EYA3: variants seen among roughly 807,000 people sequenced by gnomAD.
The protein encoded by EYA3 is protein phosphatase EYA3.
In EYA3, 39 loss-of-function variants were observed where a neutral mutation model predicts 80.0. The ratio of observed to expected loss-of-function variants is 0.49; its 90% CI spans 0.38 to 0.64. The LOEUF (loss-of-function observed/expected upper bound fraction) is 0.64, where lower values mean the gene tolerates loss of function less well. Among genes scored for constraint, EYA3 ranks in the 30% least tolerant of loss-of-function variants. EYA3 has a pLI of 0.00. For missense variants in EYA3, 523 were observed against 676.1 expected (o/e 0.77, Z 2.51); for synonymous variants, 206 against 232.8 (o/e 0.88, Z 1.05).
chr1:28,035,740 G>A, intron 5 of EYA3, 60 bp from the exon 6 acceptor site: 1 of 1,504,916 alleles, frequency 6.6e-7, no homozygotes, highest in East Asian at 2.3e-5. Context: ...CGAAAAATAG[G>A]TAAAATAGCT....
chr1:28,022,454 A>G (rs758954994), intron 7 of EYA3, among the ~76,000 whole-genome samples: 47 of 152,156 alleles, frequency 3.1e-4, no homozygotes, highest in South Asian at 4.2e-4. Context: ...GGCCTAAAAG[A>G]TTCTCATTGC....
intron 1 of EYA3, among the ~76,000 whole-genome samples, chr1:28,076,087 A>G (rs1324828765): frequency 6.6e-6 from 1 of 152,168 alleles, no homozygotes; most frequent in East Asian, 1.9e-4. Flanking sequence ...AGCACAAATC[A>G]CATTTCTGTA....
At chr1:28,084,374 C>T (rs749510071) in intron 1 of EYA3, among the ~76,000 whole-genome samples, 1 of 151,024 alleles carries the variant, frequency 6.6e-6, no homozygotes, top group Non-Finnish European at 1.5e-5. Context: ...TAAAAGATAC[C>T]AGTATCAACA....
chr1:28,074,792 A>C (rs891121037), intron 1 of EYA3, among the ~76,000 whole-genome samples: 8 of 152,282 alleles, frequency 5.3e-5, no homozygotes, highest in Non-Finnish European at 7.4e-5. Context: ...TAAACATTTT[A>C]AATAAGGTAA....
At chr1:27,977,855 G>GAAAAAAAAAAA (rs1334469197) in intron 17 of EYA3, among the ~76,000 whole-genome samples, 6 of 65,398 alleles carry the variant, frequency 9.2e-5, no homozygotes, top group East Asian at 4.6e-4. Flanking sequence ...CTCAAAAACA[G>GAAAAAAAAAAA]AAAAAAAAAG....
intron 4 of EYA3, among the ~76,000 whole-genome samples, chr1:28,041,561 T>TA (rs113807633): frequency 3.3e-4 from 47 of 142,274 alleles, no homozygotes; most frequent in Middle Eastern, 3.6e-3. Context: ...TCAAAAAACA[T>TA]AAAAAAAAAA....
chr1:28,047,330 G>A (rs750279537), intron 3 of EYA3, among the ~76,000 whole-genome samples: 5 of 152,024 alleles, frequency 3.3e-5, no homozygotes, highest in Admixed American at 1.3e-4. Context: ...ACAAGGTTCC[G>A]CCATGTTGGT....
At chr1:28,028,692 T>C (rs940439138) in intron 6 of EYA3, among the ~76,000 whole-genome samples, 1 of 151,596 alleles carries the variant, frequency 6.6e-6, no homozygotes, top group Admixed American at 6.6e-5. Flanking sequence ...GCTGGGATTA[T>C]AGGCATGAGC....
intron 10 of EYA3, among the ~76,000 whole-genome samples, chr1:28,006,934 CTTTTTTT>C (rs58401673): frequency 6.5e-5 from 6 of 91,998 alleles, no homozygotes; most frequent in African/African-American, 1.3e-4. Context: ...ATGACATAAT[CTTTTTTT>C]TTTTTTTTTT....
intron 7 of EYA3, among the ~76,000 whole-genome samples, chr1:28,022,892 T>C (rs1642536580): frequency 6.6e-6 from 1 of 152,128 alleles, no homozygotes; most frequent in Admixed American, 6.5e-5. Context: ...AATTTTTATA[T>C]TTTTTGTAGA....
intron 1 of EYA3, among the ~76,000 whole-genome samples, chr1:28,069,440 A>C (rs1436881524): frequency 1.3e-5 from 2 of 151,818 alleles, no homozygotes; most frequent in Non-Finnish European, 2.9e-5. Flanking sequence ...GGCTGGGGTC[A>C]AAGTGGGAAG....
chr1:28,040,929 G>A (rs1643741893), intron 4 of EYA3, among the ~76,000 whole-genome samples: 1 of 152,176 alleles, frequency 6.6e-6, no homozygotes, highest in African/African-American at 2.4e-5. Flanking sequence ...AGGATAAAAA[G>A]GGAAGACCGT....
At chr1:28,038,451 A>AAC (rs1487525769) in intron 5 of EYA3, among the ~76,000 whole-genome samples, 1 of 150,802 alleles carries the variant, frequency 6.6e-6, no homozygotes, top group African/African-American at 2.4e-5. Context: ...AAAAAAAAAA[A>AAC]AAAAAAAAAA....
chr1:27,992,749 A>G (rs994486532), intron 14 of EYA3, among the ~76,000 whole-genome samples: 7 of 152,232 alleles, frequency 4.6e-5, no homozygotes, highest in Non-Finnish European at 1.0e-4. Flanking sequence ...CAAATTTGCA[A>G]TGTGACCATG....
At chr1:28,017,314 T>C in intron 7 of EYA3, 75 bp from the exon 8 acceptor site, 1 of 1,112,064 alleles carries the variant, frequency 9.0e-7, no homozygotes, top group Non-Finnish European at 1.3e-6. Flanking sequence ...ATAGATGTGT[T>C]TTAAGTGAAC....
chr1:28,074,054 T>C (rs115786818), intron 1 of EYA3, among the ~76,000 whole-genome samples: 1,937 of 152,300 alleles, frequency 0.013, 40 homozygotes, highest in African/African-American at 0.044. Flanking sequence ...CAGATAAAAC[T>C]ATAAAAACAG....
At chr1:27,979,339 G>A (rs912496529) in intron 16 of EYA3, among the ~76,000 whole-genome samples, 3 of 152,180 alleles carry the variant, frequency 2.0e-5, no homozygotes, top group African/African-American at 7.2e-5. Flanking sequence ...AACAGCCCCA[G>A]AATAGAACTG....
At chr1:28,038,217 A>G (rs1387399151) in intron 5 of EYA3, among the ~76,000 whole-genome samples, 1 of 152,058 alleles carries the variant, frequency 6.6e-6, no homozygotes, top group Non-Finnish European at 1.5e-5. Flanking sequence ...TAGGCAGATC[A>G]CCTGAGGTCA....
intron 16 of EYA3, among the ~76,000 whole-genome samples, chr1:27,984,917 T>C (rs751540059): frequency 1.3e-5 from 2 of 152,168 alleles, no homozygotes; most frequent in Non-Finnish European, 2.9e-5. Context: ...GTAAAAATAT[T>C]AGAACAGGCC....
Sources: gnomAD v4.1 joint callset for allele counts (sites outside exome capture counted in the v4.1 genomes callset) on GRCh38, gnomAD v4.1.1 for gene constraint, MANE v1.5 for transcripts, NCBI Gene and HGNC (gene_info 2026-07-23, HGNC 2026-07-21) for gene names.